Variants in DAB2IP observed in about 807,000 individuals in gnomAD.
DAB2IP encodes DAB2 interacting protein.
A neutral mutation model predicts 107.2 loss-of-function variants in DAB2IP; 28 were observed. The observed-to-expected ratio is 0.26, with a 90% confidence interval of 0.19 to 0.36. The LOEUF is 0.36. DAB2IP is among the 10% of genes least tolerant of loss of function. The pLI is 1.00. For missense variants in DAB2IP, 1,400 were observed against 1,644.7 expected, an observed-to-expected ratio of 0.85 and a Z score of 2.57; for synonymous variants, 755 against 706.4, an observed-to-expected ratio of 1.07 and a Z score of -1.09.
intron 1 of DAB2IP, among the ~76,000 whole-genome samples, chr9:121,655,008 A>C (rs532943526): frequency 1.3e-5 from 2 of 152,168 alleles, no homozygotes; most frequent in Non-Finnish European, 2.9e-5. Context: ...AGTGAGGGAC[A>C]GTATCTGCAG....
At chr9:121,610,014 C>T (rs1831034385) in intron 1 of DAB2IP, among the ~76,000 whole-genome samples, 1 of 152,030 alleles carries the variant, frequency 6.6e-6, no homozygotes, top group Non-Finnish European at 1.5e-5. Flanking sequence ...GGGAGGATGC[C>T]AAGGTTTGGG....
intron 1 of DAB2IP, among the ~76,000 whole-genome samples, chr9:121,676,022 C>T (rs1352646518): frequency 6.6e-6 from 1 of 152,210 alleles, no homozygotes; most frequent in Non-Finnish European, 1.5e-5. Flanking sequence ...CAGCAAGGGC[C>T]TTAAGAGACG....
intron 3 of DAB2IP, among the ~76,000 whole-genome samples, chr9:121,718,393 C>A (rs1005605653): frequency 6.6e-6 from 1 of 152,204 alleles, no homozygotes; most frequent in Non-Finnish European, 1.5e-5. Flanking sequence ...ATGTCATCAA[C>A]ATACGCTGGG....
chr9:121,584,569 T>C (rs899253433), intron 1 of DAB2IP, among the ~76,000 whole-genome samples: 3 of 152,210 alleles, frequency 2.0e-5, no homozygotes. Flanking sequence ...GAGCTACCTC[T>C]AGCTCCTGGC....
intron 3 of DAB2IP, among the ~76,000 whole-genome samples, chr9:121,730,016 G>A (rs1022936113): frequency 1.3e-5 from 2 of 152,078 alleles, no homozygotes; most frequent in African/African-American, 4.8e-5. Flanking sequence ...GCCCAGAGGG[G>A]ACCAGCTGGG....
At chr9:121,666,413 G>T (rs1200780776) in intron 1 of DAB2IP, among the ~76,000 whole-genome samples, 1 of 152,240 alleles carries the variant, frequency 6.6e-6, no homozygotes, top group Non-Finnish European at 1.5e-5. Context: ...AGGTGGGTAA[G>T]GTTTAGTAAC....
At chr9:121,631,478 G>A (rs547683837) in intron 1 of DAB2IP, among the ~76,000 whole-genome samples, 3 of 152,248 alleles carry the variant, frequency 2.0e-5, no homozygotes, top group South Asian at 2.1e-4. Context: ...TGGAGGGTAC[G>A]GGAGAGAGCA....
At chr9:121,588,300 C>A (rs1830349070) in intron 1 of DAB2IP, among the ~76,000 whole-genome samples, 1 of 151,980 alleles carries the variant, frequency 6.6e-6, no homozygotes, top group South Asian at 2.1e-4. Context: ...TGTGACCTTG[C>A]CTGATCCCTT....
intron 1 of DAB2IP, among the ~76,000 whole-genome samples, chr9:121,672,099 G>A (rs1293570206): frequency 6.6e-6 from 1 of 152,194 alleles, no homozygotes; most frequent in African/African-American, 2.4e-5. Flanking sequence ...TTAATTTCTA[G>A]ACTGGTTTCT....
At chr9:121,741,571 A>C (rs191204755) in intron 3 of DAB2IP, among the ~76,000 whole-genome samples, 137 of 152,160 alleles carry the variant, frequency 9.0e-4, no homozygotes, top group African/African-American at 3.1e-3. Context: ...AGCCTTTCTC[A>C]GTGTTTCTCA....
At chr9:121,602,362 G>A (rs936243312) in intron 1 of DAB2IP, among the ~76,000 whole-genome samples, 1 of 152,050 alleles carries the variant, frequency 6.6e-6, no homozygotes, top group African/African-American at 2.4e-5. Context: ...CTGCTTTCTA[G>A]GATTGGTGTG....
intron 1 of DAB2IP, among the ~76,000 whole-genome samples, chr9:121,585,396 T>A (rs1830290606): frequency 6.6e-6 from 1 of 152,076 alleles, no homozygotes; most frequent in Admixed American, 6.6e-5. Flanking sequence ...ATCTGCAAAA[T>A]GAGGATAATA....
rs759241656 is a variant in DAB2IP at position 121,783,566 on chromosome 9, G to A, written c.*1068G>A. 24 of 1,613,820 alleles carry A rather than the reference G, an allele frequency of 1.5e-5. No homozygotes were observed. In the East Asian group the frequency reaches 2.2e-4, roughly 15 times the overall value. ...ATTAGAAACAAAAGCCCGCTTGCTC[G>A]CTTGCTGGAACACAGGGGCCTTTTA... On this transcript the variant is annotated 3_prime_UTR_variant, in exon 16 of 16. Coordinates refer to ENST00000408936, the Ensembl canonical transcript of DAB2IP.
At chr9:121,585,582 C>T (rs1462066903) in intron 1 of DAB2IP, among the ~76,000 whole-genome samples, 4 of 152,192 alleles carry the variant, frequency 2.6e-5, no homozygotes, top group East Asian at 3.9e-4. Flanking sequence ...ATTGGCTGGG[C>T]GCGGTGGCTC....
intron 3 of DAB2IP, among the ~76,000 whole-genome samples, chr9:121,721,084 T>C (rs932860270): frequency 6.6e-6 from 1 of 152,170 alleles, no homozygotes; most frequent in African/African-American, 2.4e-5. Flanking sequence ...TCACTGTCCA[T>C]GGGCTGGGGA....
At chr9:121,780,292 C>CA (rs998609026) in intron 14 of DAB2IP, among the ~76,000 whole-genome samples, 1 of 152,234 alleles carries the variant, frequency 6.6e-6, no homozygotes, top group African/African-American at 2.4e-5. Context: ...AAGCTTTCCT[C>CA]AGAGTGATAC....
At position 121,699,212 on chromosome 9, in the gene DAB2IP, C is replaced by T; in HGVS notation, c.229-113C>T. ...TGCTGGGGCCGAGCCCGAGCCCGGC[C>T]CGCCCTCGGCCGCGCGGCCGCCCAG... On this transcript the variant is annotated intron_variant, in intron 2 of 15. Coordinates refer to ENST00000408936, the Ensembl canonical transcript of DAB2IP. This position sits in a 1 kb window ranked among gnomAD's most constrained non-coding sequence, Gnocchi z 6.2. 1.0e-6 allele frequency: 1 copy of T among 990,424 alleles called. No individual in the cohort carries two copies. The highest frequency in any genetic ancestry group is 1.2e-6 in the Non-Finnish European group (1 of 834,264). 61.4% of individuals were successfully genotyped at this position (990,424 alleles called of 1,614,324 possible).
chr9:121,675,296 G>GGT (rs1202175393), intron 1 of DAB2IP, among the ~76,000 whole-genome samples: 1 of 152,202 alleles, frequency 6.6e-6, no homozygotes, highest in Non-Finnish European at 1.5e-5. Context: ...CATAGGTAAA[G>GGT]GTGTGGAGGT....
rs1227361397 is a variant in DAB2IP at position 121,599,617 on chromosome 9, G to T, written c.40+32389G>T. Among the ~76,000 whole-genome samples the T allele has an allele frequency of 6.6e-6, 1 of 152,144 alleles. No individual in the cohort carries two copies. Among genetic ancestry groups the T allele is most frequent in the Non-Finnish European group, 1.5e-5 (1 of 68,006 alleles). On this transcript the variant is annotated intron_variant, in intron 1 of 16. Coordinates refer to the DAB2IP transcript ENST00000259371. This position sits in a 1 kb window ranked among gnomAD's most constrained non-coding sequence, Gnocchi z 6.9. ...GCCAGCCGCCTACTCCGCCCGCCCC[G>T]CTCCACTCGGCCCAGCTGGCGCGAA...
Sources: gnomAD v4.1 joint callset for allele counts (sites outside exome capture counted in the v4.1 genomes callset) on GRCh38, gnomAD v4.1.1 for gene constraint, Gnocchi (gnomAD v3.1) non-coding constraint, MANE v1.5 for transcripts, NCBI Gene and HGNC (gene_info 2026-07-23, HGNC 2026-07-21) for gene names.